Variants in PDE7B observed in about 807,000 individuals in gnomAD.
PDE7B encodes the protein phosphodiesterase 7B, also known as 3',5'-cyclic-AMP phosphodiesterase 7B.
In PDE7B, 29 loss-of-function variants were observed where a neutral mutation model predicts 56.2. The ratio of observed to expected loss-of-function variants is 0.52; its 90% CI spans 0.38 to 0.70. The LOEUF is 0.70. PDE7B is among the 30% of genes least tolerant of loss of function. PDE7B has a pLI of 0.00. For synonymous variants in PDE7B, 197 were observed against 196.9 expected (o/e 1.00, Z 0.00); for missense variants, 490 against 565.0 (o/e 0.87, Z 1.35).
At chr6:136,058,028 C>T (rs919582706) in intron 2 of PDE7B, among the ~76,000 whole-genome samples, 24 of 152,252 alleles carry the variant, frequency 1.6e-4, no homozygotes, top group African/African-American at 5.1e-4. Flanking sequence ...TGAGGCACTG[C>T]GCCCGCCTCT....
At chr6:136,100,251 A>T (rs1777539143) in intron 2 of PDE7B, among the ~76,000 whole-genome samples, 1 of 152,210 alleles carries the variant, frequency 6.6e-6, no homozygotes, top group Non-Finnish European at 1.5e-5. Context: ...TGTCTTGGCT[A>T]TGCAGGCTCC....
chr6:136,178,741 A>G (rs1192530323), intron 9 of PDE7B, among the ~76,000 whole-genome samples: 2 of 152,186 alleles, frequency 1.3e-5, no homozygotes, highest in East Asian at 3.9e-4. Context: ...TCACCCATAG[A>G]AATGTCTACA....
chr6:136,175,740 T>A (rs947978691), intron 9 of PDE7B, among the ~76,000 whole-genome samples: 2 of 152,168 alleles, frequency 1.3e-5, no homozygotes, highest in African/African-American at 4.8e-5. Flanking sequence ...GGAATTCAAA[T>A]GGTTTCCAAT....
At chr6:136,153,595 G>C (rs1238925808) in intron 6 of PDE7B, among the ~76,000 whole-genome samples, 3 of 152,164 alleles carry the variant, frequency 2.0e-5, no homozygotes, top group African/African-American at 7.2e-5. Context: ...AAGAGGCCCG[G>C]ATTTGCTTTC....
chr6:135,953,828 CTG>C (rs1774743264), intron 2 of PDE7B, among the ~76,000 whole-genome samples: 1 of 152,138 alleles, frequency 6.6e-6, no homozygotes, highest in Non-Finnish European at 1.5e-5. Context: ...CAAGTAAAGA[CTG>C]TGTTGAAAGA....
At chr6:136,177,684 T>C (rs1034461225) in intron 9 of PDE7B, among the ~76,000 whole-genome samples, 2 of 152,162 alleles carry the variant, frequency 1.3e-5, no homozygotes, top group Non-Finnish European at 2.9e-5. Context: ...GAGCAAAAAT[T>C]TATACCATCA....
chr6:135,898,099 T>A (rs1775934607), intron 1 of PDE7B, among the ~76,000 whole-genome samples: 1 of 152,202 alleles, frequency 6.6e-6, no homozygotes, highest in African/African-American at 2.4e-5. Context: ...CACTCATAGC[T>A]GGAAGAGGGT....
intron 2 of PDE7B, among the ~76,000 whole-genome samples, chr6:135,954,748 T>C (rs936299348): frequency 1.3e-5 from 2 of 152,180 alleles, no homozygotes; most frequent in Admixed American, 6.5e-5. Context: ...CCTTGAGGGT[T>C]ATGGTTTAAA....
chr6:135,925,724 T>C (rs1359405925), intron 1 of PDE7B, among the ~76,000 whole-genome samples: 1 of 152,186 alleles, frequency 6.6e-6, no homozygotes, highest in Non-Finnish European at 1.5e-5. Flanking sequence ...TCTTAACGCC[T>C]TGCTTGAAAG....
chr6:136,045,484 G>A (rs1336469164), intron 2 of PDE7B, among the ~76,000 whole-genome samples: 1 of 152,146 alleles, frequency 6.6e-6, no homozygotes, highest in East Asian at 1.9e-4. Context: ...CCAAGTCGCT[G>A]TCCTGAGCAT....
intron 2 of PDE7B, among the ~76,000 whole-genome samples, chr6:136,089,610 CTG>C (rs762507230): frequency 1.3e-5 from 2 of 152,092 alleles, no homozygotes; most frequent in East Asian, 3.8e-4. Flanking sequence ...TATATTGACA[CTG>C]TTGTAGATTT....
intron 1 of PDE7B, among the ~76,000 whole-genome samples, chr6:135,885,329 T>G (rs901276804): frequency 9.7e-5 from 3 of 30,964 alleles, no homozygotes; most frequent in South Asian, 1.1e-3. Context: ...TTGTTTGTTG[T>G]TTTTTTTTTT....
intron 2 of PDE7B, 34 bp downstream of exon 2, chr6:135,947,558 A>C: frequency 6.8e-7 from 1 of 1,460,824 alleles, no homozygotes; most frequent in Non-Finnish European, 9.6e-7. Context: ...TATATTAAGC[A>C]TGTTGATGTC....
intron 2 of PDE7B, among the ~76,000 whole-genome samples, chr6:135,958,538 C>CTG (rs201372415): frequency 0.4 from 61,496 of 151,876 alleles, 12,680 homozygotes; most frequent in Admixed American, 0.53. Flanking sequence ...CTCAAACCAC[C>CTG]TCATAAATAT....
intron 2 of PDE7B, among the ~76,000 whole-genome samples, chr6:136,007,961 C>A (rs1021570992): frequency 1.3e-5 from 2 of 151,752 alleles, no homozygotes; most frequent in Non-Finnish European, 2.9e-5. Context: ...TTAGGTATAT[C>A]TCCTAATGCT....
chr6:135,995,501 G>A (rs115496836), intron 2 of PDE7B, among the ~76,000 whole-genome samples: 1,622 of 152,254 alleles, frequency 0.011, 27 homozygotes, highest in African/African-American at 0.036. Flanking sequence ...AGTATGAGTC[G>A]ATTCAGGGGT....
chr6:135,981,595 G>A (rs1227150213), intron 2 of PDE7B, among the ~76,000 whole-genome samples: 5 of 148,770 alleles, frequency 3.4e-5, no homozygotes, highest in African/African-American at 9.8e-5. Context: ...CTTGACCCTG[G>A]GTAGGCCTAG....
intron 2 of PDE7B, among the ~76,000 whole-genome samples, chr6:135,984,291 G>GT (rs200832734): frequency 0.012 from 1,877 of 152,038 alleles, 46 homozygotes; most frequent in African/African-American, 0.042. Flanking sequence ...CAATTGTTTT[G>GT]TTTTTTTGTT....
chr6:136,037,034 A>G (rs1684317611), intron 2 of PDE7B, among the ~76,000 whole-genome samples: 1 of 152,364 alleles, frequency 6.6e-6, no homozygotes, highest in Admixed American at 6.5e-5. Context: ...ACTAGGAACA[A>G]GAGGCATGGC....
Sources: allele counts gnomAD v4.1 joint callset (sites outside exome capture counted in the v4.1 genomes callset), GRCh38; gene constraint gnomAD v4.1.1; transcripts MANE v1.5; gene names NCBI Gene and HGNC (gene_info 2026-07-23, HGNC 2026-07-21).